Variants in RANBP2 observed in about 807,000 individuals in gnomAD.
RANBP2 encodes RAN binding protein 2.
In RANBP2, 57 loss-of-function variants were observed where a neutral mutation model predicts 303.6. That is an observed-to-expected ratio of 0.19 (90% CI 0.15 to 0.23). The LOEUF (loss-of-function observed/expected upper bound fraction) is 0.23, where lower values mean the gene tolerates loss of function less well. Ranked by LOEUF, RANBP2 falls within the 10% of genes least tolerant of loss-of-function variation. The pLI, the probability that RANBP2 is intolerant of heterozygous loss-of-function variation, is 1.00. For missense variants in RANBP2, 3,138 were observed against 3,780.8 expected, an observed-to-expected ratio of 0.83 and a Z score of 4.46; for synonymous variants, 1,167 against 1,301.5, an observed-to-expected ratio of 0.90 and a Z score of 2.23.
the RANBP2 span, among the ~76,000 whole-genome samples, chr2:109,064,349 G>A: frequency 1.7e-4 from 26 of 151,314 alleles, no homozygotes; most frequent in Non-Finnish European, 2.7e-4. Flanking sequence ...CCAGCTACTC[G>A]GGAGGCTGAG....
the RANBP2 span, among the ~76,000 whole-genome samples, chr2:109,315,231 TA>T: frequency 2.0e-5 from 3 of 152,214 alleles, no homozygotes; most frequent in Non-Finnish European, 4.4e-5. Flanking sequence ...TGGAGAGGGC[TA>T]TAGTCTCTCC....
chr2:109,466,873 GTT>G, the RANBP2 span, among the ~76,000 whole-genome samples: 3 of 152,022 alleles, frequency 2.0e-5, no homozygotes, highest in African/African-American at 7.2e-5. Context: ...GTGTGTATAT[GTT>G]TGTGTGTATA....
the RANBP2 span, among the ~76,000 whole-genome samples, chr2:109,089,205 C>T: frequency 5.3e-5 from 8 of 152,146 alleles, no homozygotes; most frequent in Middle Eastern, 3.4e-3. Context: ...CCAGTGAGGG[C>T]AGGAGGAAAT....
At chr2:109,241,137 C>T in the RANBP2 span, among the ~76,000 whole-genome samples, 2 of 152,114 alleles carry the variant, frequency 1.3e-5, no homozygotes, top group African/African-American at 2.4e-5. Flanking sequence ...ACAAATTAGT[C>T]GACAGTCAAT....
At chr2:109,006,593 T>C in the RANBP2 span, among the ~76,000 whole-genome samples, 8 of 151,990 alleles carry the variant, frequency 5.3e-5, no homozygotes, top group Non-Finnish European at 1.0e-4. Flanking sequence ...CCCAAGGGAG[T>C]GACCTCAGTG....
downstream of RANBP2, chr2:108,786,957 T>G: frequency 7.3e-7 from 1 of 1,375,010 alleles, no homozygotes; most frequent in Non-Finnish European, 9.6e-7. Flanking sequence ...CTCCTGCTGC[T>G]GGGGGGCGGC....
At chr2:109,651,326 A>G in the RANBP2 span, among the ~76,000 whole-genome samples, 4 of 152,252 alleles carry the variant, frequency 2.6e-5, no homozygotes, top group East Asian at 5.8e-4. Flanking sequence ...CTGAATATAC[A>G]TAAGACTGGG....
chr2:109,596,458 A>C, the RANBP2 span, among the ~76,000 whole-genome samples: 3 of 152,054 alleles, frequency 2.0e-5, no homozygotes, highest in Admixed American at 1.3e-4. Flanking sequence ...TCTACTAAAA[A>C]TACAAAAAAT....
At chr2:109,322,886 G>T in the RANBP2 span, among the ~76,000 whole-genome samples, 1 of 152,210 alleles carries the variant, frequency 6.6e-6, no homozygotes, top group African/African-American at 2.4e-5. Flanking sequence ...CACAAACCTT[G>T]TAATGTTAAG....
chr2:108,868,244 A>G, the RANBP2 span, among the ~76,000 whole-genome samples: 1 of 152,208 alleles, frequency 6.6e-6, no homozygotes, highest in African/African-American at 2.4e-5. Context: ...TTTTTGTCAG[A>G]TATCATATTA....
chr2:108,783,241 G>T (rs906397940), intron 28 of RANBP2, among the ~76,000 whole-genome samples: 5 of 149,058 alleles, frequency 3.4e-5, no homozygotes, highest in African/African-American at 7.4e-5. Context: ...CAAGGAAGCT[G>T]AGGTGGGAGC....
chr2:109,140,006 A>G, the RANBP2 span, among the ~76,000 whole-genome samples: 1 of 152,206 alleles, frequency 6.6e-6, no homozygotes. Context: ...GATCAGAGGT[A>G]GTGACTCATG....
At chr2:109,352,684 T>G in the RANBP2 span, among the ~76,000 whole-genome samples, 1 of 152,178 alleles carries the variant, frequency 6.6e-6, no homozygotes, top group East Asian at 1.9e-4. Context: ...CCAGTTCTCC[T>G]TTTTGGCTCC....
chr2:109,063,760 G>C, the RANBP2 span, among the ~76,000 whole-genome samples: 1 of 151,588 alleles, frequency 6.6e-6, no homozygotes, highest in Non-Finnish European at 1.5e-5. Flanking sequence ...AGTGGCTTGA[G>C]TTAGGGCAGC....
At chr2:109,588,317 T>C in the RANBP2 span, among the ~76,000 whole-genome samples, 68 of 152,228 alleles carry the variant, frequency 4.5e-4, no homozygotes, top group African/African-American at 1.5e-3. Context: ...AAGGTAAATA[T>C]GTGGGTAAAT....
At chr2:109,616,575 G>A in the RANBP2 span, 1 of 167,178 alleles carries the variant, frequency 6.0e-6, no homozygotes, top group East Asian at 1.9e-4. Context: ...TACTACTGAA[G>A]GTCAGATCAA....
chr2:109,279,737 T>C, the RANBP2 span, among the ~76,000 whole-genome samples: 1 of 126,182 alleles, frequency 7.9e-6, no homozygotes, highest in Non-Finnish European at 1.7e-5. Context: ...TTCAGTACGC[T>C]TGGGAGCAGT....
At chr2:109,023,016 A>G in the RANBP2 span, among the ~76,000 whole-genome samples, 10,956 of 152,158 alleles carry the variant, frequency 0.072, 397 homozygotes, top group African/African-American at 0.084. Flanking sequence ...ATGCCACTGC[A>G]CTCCAGCCTG....
chr2:109,570,605 AC>A, the RANBP2 span, among the ~76,000 whole-genome samples: 19 of 151,846 alleles, frequency 1.3e-4, no homozygotes, highest in African/African-American at 4.6e-4. Context: ...GCTCACTGCA[AC>A]CTCCGCCTCC....
Sources: allele counts gnomAD v4.1 joint callset (sites outside exome capture counted in the v4.1 genomes callset), GRCh38; gene constraint gnomAD v4.1.1; transcripts MANE v1.5; gene names NCBI Gene and HGNC (gene_info 2026-07-23, HGNC 2026-07-21).